Variants in GABRR1 observed in about 807,000 individuals in gnomAD.
The protein encoded by GABRR1 is gamma-aminobutyric acid type A receptor subunit rho1.
A neutral mutation model predicts 55.5 loss-of-function variants in GABRR1; 59 were observed. The ratio of observed to expected loss-of-function variants is 1.06; its 90% confidence interval spans 0.86 to 1.32. The LOEUF (loss-of-function observed/expected upper bound fraction) is 1.32, where lower values mean the gene tolerates loss of function less well. GABRR1 is among the 40% of genes most tolerant of loss of function. GABRR1 has a pLI of 0.00. For missense variants in GABRR1, 602 were observed against 619.1 expected (o/e 0.97, Z 0.29); for synonymous variants, 213 against 226.0 (o/e 0.94, Z 0.51).
At chr6:89,206,302 C>T (rs1462766897) in intron 1 of GABRR1, among the ~76,000 whole-genome samples, 1 of 152,100 alleles carries the variant, frequency 6.6e-6, no homozygotes, top group Non-Finnish European at 1.5e-5. Context: ...CATATAAGGC[C>T]CATAATAAGG....
intron 1 of GABRR1, among the ~76,000 whole-genome samples, chr6:89,226,189 C>A (rs1031515234): frequency 6.6e-6 from 1 of 150,800 alleles, no homozygotes; most frequent in Non-Finnish European, 1.5e-5. Context: ...GAGTAGGTTG[C>A]GAAAATTTTC....
chr6:89,183,803 G>A (rs1219197324), intron 7 of GABRR1, among the ~76,000 whole-genome samples: 1 of 152,182 alleles, frequency 6.6e-6, no homozygotes, highest in East Asian at 1.9e-4. Context: ...ATAAGTGGGA[G>A]CTAAGCTATG....
intron 6 of GABRR1, among the ~76,000 whole-genome samples, chr6:89,188,719 G>C (rs1771990600): frequency 6.6e-6 from 1 of 152,048 alleles, no homozygotes; most frequent in African/African-American, 2.4e-5. Context: ...TTTGTGGGTT[G>C]CCTTTTTACT....
intron 1 of GABRR1, among the ~76,000 whole-genome samples, chr6:89,225,435 C>T (rs1345289691): frequency 2.4e-5 from 3 of 124,526 alleles, no homozygotes; most frequent in Non-Finnish European, 5.0e-5. Flanking sequence ...CCACCACAGT[C>T]CCCAGAGTGT....
rs369466804 is a variant in GABRR1, at chr6:89,195,278, C to T, written c.572+2742G>A. ...GAGTTTGAGACCAGCCTGGGCAACA[C>T]GGTGAAACCTCATTTCTACTAAAAT... On this transcript the variant is annotated intron_variant, in intron 5 of 9. Transcript: ENST00000454853. 5.2e-4 allele frequency among the ~76,000 whole-genome samples: 79 copies of T among 151,878 alleles called. No homozygotes were observed. The East Asian group carries it at 0.01, about 20-fold the overall frequency.
chr6:89,197,704 CAG>C (rs1772344511), intron 5 of GABRR1, among the ~76,000 whole-genome samples: 1 of 152,100 alleles, frequency 6.6e-6, no homozygotes, highest in Non-Finnish European at 1.5e-5. Flanking sequence ...AAATGGGAAT[CAG>C]AGAGATTGTA....
chr6:89,202,687 T>C (rs1321868089), intron 2 of GABRR1, among the ~76,000 whole-genome samples: 1 of 151,878 alleles, frequency 6.6e-6, no homozygotes, highest in Non-Finnish European at 1.5e-5. Flanking sequence ...CCTCTTTATT[T>C]TATATTTTTT....
chr6:89,182,375 C>T (rs2127789514), intron 7 of GABRR1, among the ~76,000 whole-genome samples: 1 of 152,234 alleles, frequency 6.6e-6, no homozygotes, highest in South Asian at 2.1e-4. Flanking sequence ...AATCTTGGCT[C>T]ACAGCAGCCT....
chr6:89,229,100 T>G (rs1052710687), intron 1 of GABRR1, among the ~76,000 whole-genome samples: 6 of 152,106 alleles, frequency 3.9e-5, no homozygotes, highest in Non-Finnish European at 5.9e-5. Flanking sequence ...CCTTTTTTTG[T>G]TTTCCATTTG....
intron 5 of GABRR1, among the ~76,000 whole-genome samples, 169 bp from the exon 6 acceptor site, chr6:89,190,416 T>C (rs1326993067): frequency 1.3e-5 from 2 of 152,234 alleles, no homozygotes; most frequent in Admixed American, 1.3e-4. Flanking sequence ...ATACCATCAC[T>C]GGAGTACTCT....
At chr6:89,214,973 C>G (rs961551262) in intron 1 of GABRR1, among the ~76,000 whole-genome samples, 5 of 152,132 alleles carry the variant, frequency 3.3e-5, no homozygotes, top group Non-Finnish European at 7.4e-5. Flanking sequence ...GTTTAGGTAA[C>G]AGGGCAAGAC....
rs73752703 is a variant in GABRR1 at position 89,209,490 on chromosome 6, A to G, written c.123-6005T>C. Among the ~76,000 whole-genome samples the G allele has an allele frequency of 5.2e-3, 792 of 152,284 alleles. 10 individuals are homozygous for G. Among genetic ancestry groups the G allele is most frequent in the African/African-American group, 0.018 (761 of 41,546 alleles). On this transcript the variant is annotated intron_variant, in intron 1 of 9. Transcript: ENST00000454853. ...AAAACAAAAACAAAACAAACAAACA[A>G]AAACAGGTGTTTGTCAAGGGGACAG...
intron 5 of GABRR1, among the ~76,000 whole-genome samples, chr6:89,190,535 T>C (rs191794516): frequency 1.1e-3 from 160 of 152,350 alleles, no homozygotes; most frequent in Non-Finnish European, 1.8e-3. Context: ...ATGAATATAA[T>C]AATGTGAAAT....
At chr6:89,203,606 G>A in intron 1 of GABRR1, 121 bp from the exon 2 acceptor site, 5 of 763,454 alleles carry the variant, frequency 6.5e-6, no homozygotes, top group Admixed American at 4.8e-5. Flanking sequence ...AAAAGAAGAA[G>A]AAAAAACTAC....
intron 5 of GABRR1, among the ~76,000 whole-genome samples, chr6:89,197,672 CA>C (rs1368779428): frequency 1.3e-5 from 2 of 151,974 alleles, no homozygotes; most frequent in African/African-American, 4.8e-5. Flanking sequence ...TTTTTTTAAC[CA>C]AAGTTCTAAA....
intron 1 of GABRR1, among the ~76,000 whole-genome samples, chr6:89,214,520 T>A (rs1772930186): frequency 6.6e-6 from 1 of 152,002 alleles, no homozygotes; most frequent in Admixed American, 6.6e-5. Flanking sequence ...GGGGTTCATA[T>A]CTAAAATATA....
chr6:89,182,238 A>G (rs1411482986), intron 7 of GABRR1, among the ~76,000 whole-genome samples, 181 bp from the exon 8 acceptor site: 2 of 152,214 alleles, frequency 1.3e-5, no homozygotes, highest in Non-Finnish European at 2.9e-5. Flanking sequence ...ACCTGGGTGA[A>G]TCTATCTCAA....
intron 6 of GABRR1, 77 bp downstream of exon 6, chr6:89,190,088 G>A (rs995910237): frequency 6.0e-6 from 6 of 995,040 alleles, no homozygotes; most frequent in African/African-American, 1.7e-5. Flanking sequence ...AACACACACT[G>A]TTCCTGCAGC....
chr6:89,203,489 C>T lies in GABRR1; in HGVS notation c.123-4G>A. 6.2e-7 allele frequency: 1 copy of T among 1,608,042 alleles called. No individual in the cohort carries two copies. The highest frequency in any genetic ancestry group is 1.1e-5 in the South Asian group (1 of 90,964). ...TTCTCGTCTTTGTCTTTGGGGCCTA[C>T]CATGAACATTAAAAATAAAGACATT... On this transcript the variant is annotated splice_region_variant and splice_polypyrimidine_tract_variant and intron_variant, in intron 1 of 9. Transcript: ENST00000454853.
Sources: gnomAD v4.1 joint callset for allele counts (sites outside exome capture counted in the v4.1 genomes callset) on GRCh38, gnomAD v4.1.1 for gene constraint, MANE v1.5 for transcripts, NCBI Gene and HGNC (gene_info 2026-07-23, HGNC 2026-07-21) for gene names.